Variants in TNIK observed in about 807,000 individuals in gnomAD.
The protein encoded by TNIK is TRAF2 and NCK interacting kinase, also known as TRAF2 and NCK-interacting protein kinase.
A neutral mutation model predicts 191.3 loss-of-function variants in TNIK; 49 were observed. The observed-to-expected ratio is 0.26, with a 90% confidence interval of 0.20 to 0.32. The LOEUF (loss-of-function observed/expected upper bound fraction) is 0.32, where lower values mean the gene tolerates loss of function less well. TNIK is among the 10% of genes least tolerant of loss of function. The probability of loss-of-function intolerance (pLI) is 1.00; values close to 1 mark genes in which losing one functional copy is unlikely to be tolerated. For missense variants in TNIK, 1,155 were observed against 1,702.3 expected (o/e 0.68, Z 5.66); for synonymous variants, 594 against 600.9 (o/e 0.99, Z 0.17).
intron 5 of TNIK, among the ~76,000 whole-genome samples, chr3:171,192,076 A>C (rs73041217): frequency 0.072 from 10,929 of 152,288 alleles, 1,311 homozygotes; most frequent in African/African-American, 0.25. Context: ...AAAGAAATTC[A>C]GCATGAGAGT....
intron 2 of TNIK, among the ~76,000 whole-genome samples, chr3:171,321,122 C>T (rs568147093): frequency 2.0e-5 from 3 of 152,272 alleles, no homozygotes; most frequent in South Asian, 2.1e-4. Flanking sequence ...CGGAGAACAA[C>T]GATTTCTTTA....
Position 171,365,161 on chromosome 3 carries a change from C to CTTTTTTTTTT in TNIK, c.123+4449_123+4458dup, listed in dbSNP as rs60887361. Reference sequence around the variant, plus strand: ...AAGGACTACACAAAAGGACTACATTCTTTTTTTTTTTTTTTTTTTTTTTTT... The same window carrying CTTTTTTTTTT: ...AAGGACTACACAAAAGGACTACATTCTTTTTTTTTTTTTTTTTTTTTTTTTTTTTTTTTTT... On this transcript the variant is annotated intron_variant, in intron 2 of 32. Transcript: ENST00000436636. Among the ~76,000 whole-genome samples, 77 of 31,934 alleles carry CTTTTTTTTTT rather than the reference C, an allele frequency of 2.4e-3. 17 individuals are homozygous for CTTTTTTTTTT. The highest frequency in any genetic ancestry group is 3.3e-3 in the Non-Finnish European group (51 of 15,444). The allele number at this position is 31,934 out of a possible 152,430, so 20.9% of individuals were successfully genotyped here.
chr3:171,314,782 G>A (rs1204478921), intron 2 of TNIK, among the ~76,000 whole-genome samples: 2 of 152,064 alleles, frequency 1.3e-5, no homozygotes, highest in African/African-American at 2.4e-5. Context: ...ATTTATAGAG[G>A]TGGCACTGTC....
chr3:171,407,112 C>T (rs538540331), intron 1 of TNIK, among the ~76,000 whole-genome samples: 4 of 151,970 alleles, frequency 2.6e-5, no homozygotes, highest in African/African-American at 4.8e-5. Flanking sequence ...GACTGGGGTC[C>T]GGTGGTTCTC....
chr3:171,448,976 C>G (rs1306943079), intron 1 of TNIK, among the ~76,000 whole-genome samples: 1 of 151,940 alleles, frequency 6.6e-6, no homozygotes. Flanking sequence ...TTGTTCAACT[C>G]CCACTTATGA....
At chr3:171,113,309 A>G (rs1450436475) in intron 18 of TNIK, among the ~76,000 whole-genome samples, 1 of 152,138 alleles carries the variant, frequency 6.6e-6, no homozygotes, top group Non-Finnish European at 1.5e-5. Flanking sequence ...GATAATTATT[A>G]TAAAATGCTA....
intron 1 of TNIK, among the ~76,000 whole-genome samples, chr3:171,406,842 G>A (rs2108591398): frequency 6.6e-6 from 1 of 152,360 alleles, no homozygotes; most frequent in African/African-American, 2.4e-5. Flanking sequence ...ACCCAGAAGT[G>A]TGATATTCCT....
intron 1 of TNIK, among the ~76,000 whole-genome samples, chr3:171,458,071 C>T (rs1193958722): frequency 6.6e-6 from 1 of 152,128 alleles, no homozygotes; most frequent in African/African-American, 2.4e-5. Flanking sequence ...AGTAGAGGAG[C>T]AAGGTCGAGA....
chr3:171,234,842 G>A (rs955097795), intron 2 of TNIK, among the ~76,000 whole-genome samples: 10 of 152,180 alleles, frequency 6.6e-5, no homozygotes, highest in Non-Finnish European at 1.2e-4. Flanking sequence ...AAGATGAGGG[G>A]TGACGAGAAC....
chr3:171,302,442 A>C (rs941909787), intron 2 of TNIK, among the ~76,000 whole-genome samples: 7 of 152,176 alleles, frequency 4.6e-5, no homozygotes, highest in African/African-American at 1.7e-4. Flanking sequence ...TCTACAACTC[A>C]AATACTATGA....
chr3:171,380,298 T>C (rs1248086545), intron 1 of TNIK, among the ~76,000 whole-genome samples: 1 of 152,016 alleles, frequency 6.6e-6, no homozygotes, highest in Non-Finnish European at 1.5e-5. Flanking sequence ...GACTAGCAAA[T>C]ATTTTGGCCT....
chr3:171,227,931 T>C (rs1185716683), intron 3 of TNIK, among the ~76,000 whole-genome samples: 1 of 152,228 alleles, frequency 6.6e-6, no homozygotes, highest in Non-Finnish European at 1.5e-5. Flanking sequence ...CAACATTTTA[T>C]TATAAAATAG....
intron 18 of TNIK, among the ~76,000 whole-genome samples, chr3:171,116,146 G>T (rs1726658823): frequency 6.6e-6 from 1 of 152,128 alleles, no homozygotes; most frequent in African/African-American, 2.4e-5. Flanking sequence ...TTTTCTTTTG[G>T]TAAAACATGA....
intron 3 of TNIK, among the ~76,000 whole-genome samples, chr3:171,222,599 A>C (rs80199040): frequency 0.012 from 1,898 of 152,282 alleles, 16 homozygotes; most frequent in South Asian, 0.034. Flanking sequence ...TCTTCCAAAC[A>C]ACCCAAGATG....
chr3:171,186,921 T>C (rs981918623), intron 7 of TNIK, among the ~76,000 whole-genome samples: 2 of 152,208 alleles, frequency 1.3e-5, no homozygotes, highest in Non-Finnish European at 2.9e-5. Context: ...TCAGTTTAAT[T>C]CCAAGCTTTG....
intron 2 of TNIK, among the ~76,000 whole-genome samples, chr3:171,282,341 G>GTTTTTTTTGT (rs1553878315): frequency 2.5e-5 from 2 of 79,950 alleles, no homozygotes; most frequent in African/African-American, 8.9e-5. Flanking sequence ...ATGGTTTTTT[G>GTTTTTTTTGT]TTTTTTTTTT....
At chr3:171,401,232 C>A (rs767302552) in intron 1 of TNIK, among the ~76,000 whole-genome samples, 3 of 152,082 alleles carry the variant, frequency 2.0e-5, no homozygotes, top group Non-Finnish European at 4.4e-5. Flanking sequence ...TCTTCTGGAA[C>A]CTGACCCAGT....
chr3:171,130,826 T>C (rs146417337), intron 15 of TNIK, among the ~76,000 whole-genome samples: 1 of 152,308 alleles, frequency 6.6e-6, no homozygotes, highest in African/African-American at 2.4e-5. Context: ...ACAAAATATA[T>C]GCAGAGTGAG....
At chr3:171,177,526 AAC>A in intron 7 of TNIK, 146 bp from the exon 8 acceptor site, 1 of 943,524 alleles carries the variant, frequency 1.1e-6, no homozygotes, top group Non-Finnish European at 1.6e-6. Context: ...TCAAAGCAGA[AAC>A]AGTCTTACTT....
Sources: gnomAD v4.1 joint callset for allele counts (sites outside exome capture counted in the v4.1 genomes callset) on GRCh38, gnomAD v4.1.1 for gene constraint, MANE v1.5 for transcripts, NCBI Gene and HGNC (gene_info 2026-07-23, HGNC 2026-07-21) for gene names.